The following UBTD2 variants were observed in gnomAD, a reference collection of about 807,000 sequenced individuals.
UBTD2 encodes the protein ubiquitin domain containing 2, also known as ubiquitin domain-containing protein 2.
UBTD2 carries 9 observed loss-of-function variants against 19.8 expected under a neutral mutation model. That is an observed-to-expected ratio of 0.46 (90% CI 0.27 to 0.79). The LOEUF (loss-of-function observed/expected upper bound fraction) is 0.79. UBTD2 is among the 30% of genes least tolerant of loss of function. The probability of loss-of-function intolerance (pLI) is 0.14; values close to 1 mark genes in which losing one functional copy is unlikely to be tolerated. For synonymous variants in UBTD2, 98 were observed against 103.9 expected (o/e 0.94, Z 0.35); for missense variants, 250 against 300.4 (o/e 0.83, Z 1.24).
intron 1 of UBTD2, among the ~76,000 whole-genome samples, chr5:172,267,082 G>A (rs960810389): frequency 4.8e-5 from 7 of 147,236 alleles, no homozygotes; most frequent in African/African-American, 1.3e-4. Flanking sequence ...GAATCTTACC[G>A]TATGATTTTA....
At chr5:172,248,088 AG>A (rs1329735915) in intron 1 of UBTD2, among the ~76,000 whole-genome samples, 21 of 152,218 alleles carry the variant, frequency 1.4e-4, no homozygotes, top group African/African-American at 5.1e-4. Flanking sequence ...AGAAATTACA[AG>A]GAAAATGAGA....
rs542838110 is a variant in UBTD2 at position 172,265,411 on chromosome 5, T to C, written c.70+18185A>G. Among the ~76,000 whole-genome samples the C allele has an allele frequency of 3.9e-5, 6 of 152,326 alleles. No homozygotes were observed. In the East Asian group the frequency reaches 1.2e-3, roughly 29 times the overall value. Reference sequence around the variant, plus strand: ...GTGCAGTGGCACGATCTTGGCTCACTGCAAGCTCCGCCCCCTGGGTTCACG... The same window carrying C: ...GTGCAGTGGCACGATCTTGGCTCACCGCAAGCTCCGCCCCCTGGGTTCACG... On this transcript the variant is annotated intron_variant, in intron 1 of 2. Coordinates refer to ENST00000393792, the MANE Select transcript of UBTD2 (RefSeq NM_152277.3).
At chr5:172,278,445 GGAGGTAGAGGTTGCAGC>G (rs1450505625) in intron 1 of UBTD2, among the ~76,000 whole-genome samples, 1 of 152,012 alleles carries the variant, frequency 6.6e-6, no homozygotes. Flanking sequence ...CTTGAACCTG[GGAGGTAGAGGTTGCAGC>G]GAGCTGAGAT....
intron 1 of UBTD2, among the ~76,000 whole-genome samples, chr5:172,276,632 CCA>C (rs1448592028): frequency 4.0e-5 from 6 of 151,832 alleles, no homozygotes; most frequent in Admixed American, 1.3e-4. Flanking sequence ...GTAATGTGGG[CCA>C]GTTGCATTAT....
chr5:172,236,011 C>T (rs1009548161), intron 1 of UBTD2, among the ~76,000 whole-genome samples: 1 of 152,158 alleles, frequency 6.6e-6, no homozygotes, highest in Non-Finnish European at 1.5e-5. Flanking sequence ...ATGAAATTGA[C>T]TACTCCCTCA....
chr5:172,263,724 G>A (rs2113103793), intron 1 of UBTD2, among the ~76,000 whole-genome samples: 1 of 152,268 alleles, frequency 6.6e-6, no homozygotes, highest in South Asian at 2.1e-4. Context: ...GACCCAGGAG[G>A]TGGAGCTTCA....
chr5:172,257,065 G>A (rs1030292555), intron 1 of UBTD2, among the ~76,000 whole-genome samples: 7 of 152,094 alleles, frequency 4.6e-5, no homozygotes, highest in African/African-American at 1.7e-4. Flanking sequence ...CTGGGGTTTG[G>A]AGTACAAATT....
intron 1 of UBTD2, among the ~76,000 whole-genome samples, chr5:172,274,135 C>CTTT (rs555392614): frequency 1.1e-4 from 12 of 108,624 alleles, no homozygotes; most frequent in South Asian, 3.1e-4. Flanking sequence ...TTTTGCTTTA[C>CTTT]TTTTTTTTTT....
intron 2 of UBTD2, among the ~76,000 whole-genome samples, chr5:172,221,521 A>G (rs932692014): frequency 2.0e-5 from 3 of 152,300 alleles, no homozygotes; most frequent in Admixed American, 2.0e-4. Context: ...AATAAAATAA[A>G]TAAGTGAGCC....
chr5:172,229,434 G>T (rs1296863806), intron 2 of UBTD2, among the ~76,000 whole-genome samples: 1 of 149,610 alleles, frequency 6.7e-6, no homozygotes, highest in Non-Finnish European at 1.5e-5. Context: ...CCGGGAGGTG[G>T]AGCTTGCAGT....
At chr5:172,244,463 AT>A (rs1324630949) in intron 1 of UBTD2, among the ~76,000 whole-genome samples, 3 of 148,852 alleles carry the variant, frequency 2.0e-5, no homozygotes, top group Non-Finnish European at 3.0e-5. Flanking sequence ...CGCCCGGCTA[AT>A]TTTTTGTATT....
At chr5:172,264,554 A>T (rs1755334114) in intron 1 of UBTD2, among the ~76,000 whole-genome samples, 1 of 98,242 alleles carries the variant, frequency 1.0e-5, no homozygotes, top group African/African-American at 4.9e-5. Flanking sequence ...AAAAAAAATT[A>T]AAAAATTAAA....
chr5:172,239,128 C>T (rs1772071775), intron 1 of UBTD2, among the ~76,000 whole-genome samples: 1 of 152,016 alleles, frequency 6.6e-6, no homozygotes, highest in Admixed American at 6.6e-5. Flanking sequence ...GCCTAAAATG[C>T]CAACAATCAA....
chr5:172,212,840 AT>A (rs1771477265), intron 2 of UBTD2, among the ~76,000 whole-genome samples: 2 of 151,418 alleles, frequency 1.3e-5, no homozygotes, highest in South Asian at 4.2e-4. Flanking sequence ...AATTTTTTGT[AT>A]TTTTAGTATA....
In UBTD2 at chr5:172,246,441, C is replaced by CTTT. The variant is rs36037402; in HGVS notation, c.71-12086_71-12084dup. Among the ~76,000 whole-genome samples the CTTT allele has an allele frequency of 1.7e-3, 144 of 85,086 alleles. 4 individuals are homozygous for CTTT. The highest frequency in any genetic ancestry group is 2.6e-3 in the Non-Finnish European group (125 of 47,966). The allele number at this position is 85,086 out of a possible 152,430, so 55.8% of individuals were successfully genotyped here. On this transcript the variant is annotated intron_variant, in intron 1 of 2. Coordinates refer to ENST00000393792, the MANE Select transcript of UBTD2 (RefSeq NM_152277.3). ...TTAAAAAAGAAACACATTGAGATTG[C>CTTT]TTTTTTTTTTTTTTTTTTTTTTGAG...
chr5:172,216,451 AAAAC>A (rs1222076147), intron 2 of UBTD2, among the ~76,000 whole-genome samples: 1 of 151,702 alleles, frequency 6.6e-6, no homozygotes, highest in East Asian at 1.9e-4. Flanking sequence ...ATTAAAAAAA[AAAAC>A]AAACAAAAAA....
At chr5:172,261,778 C>T (rs1029421773) in intron 1 of UBTD2, among the ~76,000 whole-genome samples, 1 of 152,136 alleles carries the variant, frequency 6.6e-6, no homozygotes, top group Admixed American at 6.5e-5. Context: ...GCATGCGCCT[C>T]CACATCCAGC....
chr5:172,272,855 C>T (rs1277239501), intron 1 of UBTD2, among the ~76,000 whole-genome samples: 5 of 151,490 alleles, frequency 3.3e-5, no homozygotes, highest in East Asian at 2.0e-4. Flanking sequence ...CCGAGGCAGG[C>T]GGACCACAAG....
intron 2 of UBTD2, among the ~76,000 whole-genome samples, chr5:172,226,533 C>T (rs1156666777): frequency 6.6e-6 from 1 of 152,128 alleles, no homozygotes. Context: ...AGTTTTAAAT[C>T]TCACAATCAG....
Sources: gnomAD v4.1 joint callset for allele counts (sites outside exome capture counted in the v4.1 genomes callset) on GRCh38, gnomAD v4.1.1 for gene constraint, MANE v1.5 for transcripts, NCBI Gene and HGNC (gene_info 2026-07-23, HGNC 2026-07-21) for gene names.